HS6ST2: variants seen among roughly 807,000 people sequenced by gnomAD.
The protein encoded by HS6ST2 is heparan sulfate 6-O-sulfotransferase 2, also known as heparan-sulfate 6-O-sulfotransferase 2.
A neutral mutation model predicts 33.0 loss-of-function variants in HS6ST2; 17 were observed. The ratio of observed to expected loss-of-function variants is 0.52; its 90% CI spans 0.35 to 0.77. HS6ST2 has a LOEUF of 0.77. Ranked by LOEUF, HS6ST2 falls within the 30% of genes least tolerant of loss-of-function variation. The pLI is 0.01. For synonymous variants in HS6ST2, 248 were observed against 237.1 expected (o/e 1.05, Z -0.42); for missense variants, 519 against 551.7 (o/e 0.94, Z 0.59).
chrX:132,882,125 T>C (rs1221047198), intron 2 of HS6ST2, among the ~76,000 whole-genome samples: 1 of 111,334 alleles, frequency 9.0e-6, no homozygotes, highest in African/African-American at 3.3e-5. Flanking sequence ...TTTGGTTCCA[T>C]ATGAACTTTA....
At chrX:132,737,989 T>C (rs2064525325) in intron 2 of HS6ST2, among the ~76,000 whole-genome samples, 1 of 112,585 alleles carries the variant, frequency 8.9e-6, no homozygotes, top group South Asian at 3.7e-4. Context: ...CACTGAGCTG[T>C]TTCTGTTCTC....
At chrX:132,722,307 A>C (rs1352050410) in intron 2 of HS6ST2, among the ~76,000 whole-genome samples, 1 of 111,985 alleles carries the variant, frequency 8.9e-6, no homozygotes, top group African/African-American at 3.2e-5. Flanking sequence ...TGAAGAAAAC[A>C]ATACAAAAGA....
At chrX:132,778,131 T>A (rs191297782) in intron 2 of HS6ST2, among the ~76,000 whole-genome samples, 43 of 112,146 alleles carry the variant, frequency 3.8e-4, no homozygotes, top group Non-Finnish European at 2.1e-4. Context: ...GACCAGAGAT[T>A]AGGCTCCAAG....
At chrX:132,669,324 ATCTC>A (rs10550199) in intron 3 of HS6ST2, 125 bp from the exon 4 acceptor site, 6,551 of 310,863 alleles carry the variant, frequency 0.021, no homozygotes, top group Admixed American at 0.038. Flanking sequence ...CCCCTGGCCA[ATCTC>A]TCTCTCTCTC....
intron 3 of HS6ST2, among the ~76,000 whole-genome samples, chrX:132,692,781 G>A (rs1449685433): frequency 8.9e-6 from 1 of 112,044 alleles, no homozygotes; most frequent in Non-Finnish European, 1.9e-5. Flanking sequence ...ACTTTGCTCA[G>A]ACCTGATTAT....
At chrX:132,678,026 G>A (rs2063937183) in intron 3 of HS6ST2, among the ~76,000 whole-genome samples, 2 of 111,615 alleles carry the variant, frequency 1.8e-5, no homozygotes, top group South Asian at 7.5e-4. Context: ...GGCATCTTGA[G>A]TACTTTCTAG....
rs1173961290 is a variant in HS6ST2 at position 132,627,698 on chromosome X, C to T, written c.*525G>A. 8.9e-6 allele frequency: 1 copy of T among 111,773 alleles called. No individual in the cohort carries two copies. Among genetic ancestry groups the T allele is most frequent in the African/African-American group, 3.3e-5 (1 of 30,754 alleles). The allele number at this position is 111,773 out of a possible 1,213,427, so 9.2% of individuals were successfully genotyped here. ...TTATTTTCTACAGCTCGGTAAGATT[C>T]ACCATCAGTTGTTATTCTATTTAAA... On this transcript the variant is annotated 3_prime_UTR_variant, in exon 5 of 5. Transcript: ENST00000370833.
At chrX:132,774,964 AGCCACTGTGCCCG>A (rs1226605192) in intron 2 of HS6ST2, among the ~76,000 whole-genome samples, 6 of 111,132 alleles carry the variant, frequency 5.4e-5, no homozygotes, top group Admixed American at 9.6e-5. Context: ...TACAAGCGTG[AGCCACTGTGCCCG>A]GCCCAAAGTA....
intron 2 of HS6ST2, among the ~76,000 whole-genome samples, chrX:132,783,248 G>A (rs933393094): frequency 6.3e-5 from 7 of 111,740 alleles, no homozygotes; most frequent in African/African-American, 9.8e-5. Flanking sequence ...ATACCCTGGT[G>A]CCTGGTGCTT....
intron 2 of HS6ST2, among the ~76,000 whole-genome samples, chrX:132,810,165 A>T (rs1261856825): frequency 1.8e-5 from 2 of 111,526 alleles, no homozygotes; most frequent in African/African-American, 6.5e-5. Context: ...CAGTGCTTTG[A>T]CAGGCCGAGG....
intron 2 of HS6ST2, among the ~76,000 whole-genome samples, chrX:132,755,590 G>A (rs1481189730): frequency 9.0e-6 from 1 of 111,380 alleles, no homozygotes; most frequent in Non-Finnish European, 1.9e-5. Context: ...CAAGGATGGT[G>A]TTAGGGTGGG....
chrX:132,695,151 G>C (rs1381351174), intron 3 of HS6ST2, among the ~76,000 whole-genome samples: 1 of 111,340 alleles, frequency 9.0e-6, no homozygotes, highest in Non-Finnish European at 1.9e-5. Context: ...CCGCCACTTG[G>C]TATAAGAGCA....
intron 2 of HS6ST2, among the ~76,000 whole-genome samples, chrX:132,866,621 T>C (rs1193941960): frequency 1.2e-5 from 1 of 81,275 alleles, no homozygotes; most frequent in Non-Finnish European, 2.4e-5. Flanking sequence ...GCATGGAATG[T>C]TCTTCCATTT....
At chrX:132,832,616 T>A (rs1048195734) in intron 2 of HS6ST2, among the ~76,000 whole-genome samples, 1 of 112,107 alleles carries the variant, frequency 8.9e-6, no homozygotes, top group Non-Finnish European at 1.9e-5. Flanking sequence ...TTCCAATAGT[T>A]TTTTTATTTT....
At chrX:132,940,724 A>G (rs931565939) in intron 2 of HS6ST2, among the ~76,000 whole-genome samples, 10 of 112,022 alleles carry the variant, frequency 8.9e-5, no homozygotes, top group Non-Finnish European at 1.7e-4. Flanking sequence ...CAATACCACA[A>G]TGAGATACAA....
intron 2 of HS6ST2, among the ~76,000 whole-genome samples, chrX:132,886,032 A>G (rs1394414942): frequency 9.0e-6 from 1 of 111,692 alleles, no homozygotes; most frequent in East Asian, 2.8e-4. Context: ...ACAAAAAATT[A>G]GAGAGAAACA....
intron 2 of HS6ST2, among the ~76,000 whole-genome samples, chrX:132,943,329 C>T (rs2066907485): frequency 9.0e-6 from 1 of 111,557 alleles, no homozygotes; most frequent in African/African-American, 3.3e-5. Flanking sequence ...TAAATGCCAG[C>T]TCCAATACTG....
At position 132,628,979 on chromosome X, in the gene HS6ST2, C is replaced by A. The variant is rs1448659572; in HGVS notation, c.1182G>T (p.Arg394Ser). The A allele has an allele frequency of 8.3e-7, 1 of 1,209,257 alleles. No homozygotes were observed. The highest frequency in any genetic ancestry group is 3.0e-5 in the East Asian group (1 of 33,625). ...WKASLHVCDG[R>S]PPTSEELPSC... is the part of the protein sequence containing the mutation. Reference sequence around the variant, plus strand: ...TGGGCAGCTCTTCGGAGGTTGGAGGCCTTCCATCGCAGACATGCAGGGATG... The same window carrying A: ...TGGGCAGCTCTTCGGAGGTTGGAGGACTTCCATCGCAGACATGCAGGGATG... Residue 394 changes from arginine (R) to serine (S), a missense_variant, in exon 5 of 5, where the codon AGG becomes AGT. Physicochemically the swap from Arg to Ser is moderately radical, Grantham distance 110. Coordinates refer to ENST00000370833, the MANE Select transcript of HS6ST2 (RefSeq NM_001394073.1).
At chrX:132,834,638 T>C (rs2065624429) in intron 2 of HS6ST2, among the ~76,000 whole-genome samples, 1 of 112,469 alleles carries the variant, frequency 8.9e-6, no homozygotes, top group South Asian at 3.7e-4. Context: ...TTCTTCGTAA[T>C]TTGAGAATTG....
Sources: allele counts gnomAD v4.1 joint callset (sites outside exome capture counted in the v4.1 genomes callset), GRCh38; gene constraint gnomAD v4.1.1; transcripts MANE v1.5; gene names NCBI Gene and HGNC (gene_info 2026-07-23, HGNC 2026-07-21).